The following SYNJ2 variants were observed in gnomAD, a reference collection of about 807,000 sequenced individuals.
SYNJ2 encodes the protein polyphosphatidylinositol phosphatase SYNJ2.
A neutral mutation model predicts 141.3 loss-of-function variants in SYNJ2; 116 were observed. The observed-to-expected ratio is 0.82, with a 90% CI of 0.71 to 0.96. The LOEUF (loss-of-function observed/expected upper bound fraction) is 0.96, where lower values mean the gene tolerates loss of function less well. Ranked by LOEUF, SYNJ2 falls within the 40% of genes least tolerant of loss-of-function variation. The pLI is 0.00. For missense variants in SYNJ2, 1,873 were observed against 1,934.8 expected (o/e 0.97, Z 0.60); for synonymous variants, 745 against 777.7 (o/e 0.96, Z 0.70).
chr6:157,983,080 G>C lies in SYNJ2; in HGVS notation c.127+992G>C, dbSNP rs141752843. On this transcript the variant is annotated intron_variant, in intron 1 of 26. Transcript: ENST00000355585. ...TTCCTAGCTAAACAAGGTGCAGCCC[G>C]GGGTCACTCGTACTTGAGGTGGTCG... Among the ~76,000 whole-genome samples the C allele has an allele frequency of 2.2e-3, 330 of 152,340 alleles. 1 individual carries two copies. Among genetic ancestry groups the C allele is most frequent in the Non-Finnish European group, 3.5e-3 (237 of 68,022 alleles).
intron 1 of SYNJ2, among the ~76,000 whole-genome samples, chr6:157,986,435 G>A (rs1333359904): frequency 6.6e-6 from 1 of 152,220 alleles, no homozygotes; most frequent in Admixed American, 6.5e-5. Flanking sequence ...CCAGGTTCAA[G>A]GGATTCTCCT....
intron 4 of SYNJ2, among the ~76,000 whole-genome samples, chr6:158,034,574 C>T (rs911844507): frequency 1.3e-5 from 2 of 152,232 alleles, no homozygotes; most frequent in African/African-American, 4.8e-5. Context: ...GAGGAGGCTG[C>T]TCTCAGAGTC....
intron 1 of SYNJ2, among the ~76,000 whole-genome samples, chr6:158,010,103 AGG>A (rs1289822061): frequency 6.6e-6 from 1 of 152,068 alleles, no homozygotes; most frequent in Admixed American, 6.5e-5. Flanking sequence ...GAATTTTTGT[AGG>A]GATGGAGTCT....
intron 5 of SYNJ2, among the ~76,000 whole-genome samples, chr6:158,047,508 G>A (rs577212263): frequency 6.6e-6 from 1 of 152,106 alleles, no homozygotes; most frequent in Non-Finnish European, 1.5e-5. Context: ...TGGGCATGGG[G>A]GCTCATGCCT....
chr6:158,094,918 C>T (rs909011383), intron 26 of SYNJ2, among the ~76,000 whole-genome samples: 9 of 152,144 alleles, frequency 5.9e-5, no homozygotes, highest in South Asian at 2.1e-4. Flanking sequence ...GAGGCTGAGG[C>T]GGGTGGATCA....
chr6:157,982,204 G>A lies in SYNJ2; in HGVS notation c.127+116G>A. On this transcript the variant is annotated intron_variant, in intron 1 of 26. Coordinates refer to ENST00000355585, the MANE Select transcript of SYNJ2 (RefSeq NM_003898.4). The surrounding 1 kb of genome is among the most constrained non-coding windows in gnomAD (Gnocchi z 4.0). ...GGATCGGGCGGCGCTGGGACTGCCG[G>A]GGCGTAGGGGTCGCGCGCAGAGGGG... is the stretch of plus-strand genomic sequence containing the variant. 9.9e-6 allele frequency: 12 copies of A among 1,211,134 alleles called. No homozygotes were observed. The South Asian group carries it at 4.0e-4, about 40-fold the overall frequency. 75.0% of individuals were successfully genotyped at this position (1,211,134 alleles called of 1,614,324 possible).
Position 158,033,366 on chromosome 6 carries a change from C to A in SYNJ2, c.486-89C>A, listed in dbSNP as rs564259716. The A allele has an allele frequency of 4.9e-6, 7 of 1,436,796 alleles. No individual in the cohort carries two copies. The African/African-American group carries it at 8.4e-5, about 17-fold the overall frequency. The allele number at this position is 1,436,796 out of a possible 1,614,324, so 89.0% of individuals were successfully genotyped here. On this transcript the variant is annotated intron_variant, in intron 3 of 26. Transcript: ENST00000355585. ...GACCCGAAATGCTGCACCGTGCGCC[C>A]CCCAGTTCCTCAGCCACACTCGCTG...
chr6:158,066,751 T>C, intron 12 of SYNJ2, 116 bp downstream of exon 12: 1 of 1,209,260 alleles, frequency 8.3e-7, no homozygotes. Flanking sequence ...TCTTCCCTCC[T>C]CACAATGTCT....
chr6:158,071,849 G>A lies in SYNJ2; in HGVS notation c.2133+55G>A. On this transcript the variant is annotated intron_variant, in intron 15 of 26. Coordinates refer to ENST00000355585, the MANE Select transcript of SYNJ2 (RefSeq NM_003898.4). The surrounding 1 kb of genome is among the most constrained non-coding windows in gnomAD (Gnocchi z 4.3). ...CTCCCTGCTCAGCTCAGTCCCAAAT[G>A]TGACTGTTGATAGGAGCCAGGCACT... 1 of 1,574,360 alleles carries A rather than the reference G, an allele frequency of 6.4e-7. No individual in the cohort carries two copies. Among genetic ancestry groups the A allele is most frequent in the Non-Finnish European group, 8.6e-7 (1 of 1,161,606 alleles).
intron 25 of SYNJ2, among the ~76,000 whole-genome samples, chr6:158,090,546 T>TG (rs1405317633): frequency 8.2e-5 from 12 of 145,620 alleles, no homozygotes; most frequent in Admixed American, 7.6e-4. Context: ...TTTTTTGTTT[T>TG]TTTTTTTTTT....
At chr6:158,053,571 C>G (rs1780685707) in intron 5 of SYNJ2, among the ~76,000 whole-genome samples, 1 of 151,950 alleles carries the variant, frequency 6.6e-6, no homozygotes, top group South Asian at 2.1e-4. Flanking sequence ...ATCCATTCAT[C>G]CACTCATTCA....
At chr6:158,061,776 A>G (rs1364426710) in intron 7 of SYNJ2, among the ~76,000 whole-genome samples, 3 of 152,144 alleles carry the variant, frequency 2.0e-5, no homozygotes, top group African/African-American at 7.2e-5. Flanking sequence ...GCCCTTTCGC[A>G]GGCAAGACGC....
intron 22 of SYNJ2, among the ~76,000 whole-genome samples, chr6:158,085,862 G>C (rs1324893960): frequency 6.6e-6 from 1 of 152,090 alleles, no homozygotes; most frequent in African/African-American, 2.4e-5. Context: ...GGTTCTGCAC[G>C]TTGCTCCTGC....
At position 158,033,478 on chromosome 6, in the gene SYNJ2, T is replaced by C. The variant is rs749120741; in HGVS notation, c.509T>C (p.Leu170Ser). 1.2e-5 allele frequency: 19 copies of C among 1,614,182 alleles called. No homozygotes were observed. The highest frequency in any genetic ancestry group is 1.5e-5 in the Non-Finnish European group (18 of 1,180,004). The change falls in exon 4 of 27, where the codon TTG becomes TCG. Residue 170 changes from leucine to serine, a missense_variant. Transcript: ENST00000355585. ...AGGAACCAGCTGTTGCACGTGCCCT[T>C]GAGGCAGCACCAGGTGAGCTGCTGT... is the stretch of plus-strand genomic sequence containing the variant. ...FFWNQLLHVP[L>S]RQHQVSCCDW... is the part of the protein sequence containing the mutation.
intron 6 of SYNJ2, among the ~76,000 whole-genome samples, chr6:158,055,662 TACTC>T (rs1337745605): frequency 3.3e-5 from 5 of 152,222 alleles, no homozygotes; most frequent in Non-Finnish European, 7.3e-5. Flanking sequence ...TTAATCTAAA[TACTC>T]AATATTTTAA....
At chr6:158,067,383 T>C in intron 12 of SYNJ2, 1 of 966,540 alleles carries the variant, frequency 1.0e-6, no homozygotes, top group Non-Finnish European at 1.2e-6. Flanking sequence ...CCAACTCTAT[T>C]AATCTGCTTT....
At chr6:157,996,544 C>A (rs1777639562) in intron 1 of SYNJ2, among the ~76,000 whole-genome samples, 1 of 152,172 alleles carries the variant, frequency 6.6e-6, no homozygotes, top group African/African-American at 2.4e-5. Flanking sequence ...ATCTTCACAC[C>A]CACCTGCATG....
In SYNJ2 at chr6:158,076,641, C is replaced by G. The variant is rs1244890085; in HGVS notation, c.2308C>G (p.His770Asp). The change falls in exon 17 of 27, where the codon CAC becomes GAC. Residue 770 changes from histidine (H) to aspartate (D), a missense_variant. His to Asp is a moderately conservative substitution (Grantham distance 81). Transcript: ENST00000355585. ...KSSGKIFKDFHEGAINFGPTY... is the reference protein window; with the variant it reads ...KSSGKIFKDFDEGAINFGPTY... ...CTCCCAATAGATTTTTAAGGACTTT[C>G]ACGAAGGAGCCATTAACTTTGGACC... 6.2e-7 allele frequency: 1 copy of G among 1,613,246 alleles called. No homozygotes were observed. Among genetic ancestry groups the G allele is most frequent in the Admixed American group, 1.7e-5 (1 of 59,798 alleles).
At chr6:158,075,659 G>A (rs1782238771) in intron 16 of SYNJ2, among the ~76,000 whole-genome samples, 1 of 151,920 alleles carries the variant, frequency 6.6e-6, no homozygotes, top group African/African-American at 2.4e-5. Context: ...AAAAGTGTGA[G>A]GACAGGGCAG....
Sources: allele counts gnomAD v4.1 joint callset (sites outside exome capture counted in the v4.1 genomes callset), GRCh38; gene constraint gnomAD v4.1.1; non-coding constraint Gnocchi (gnomAD v3.1); transcripts MANE v1.5; gene names NCBI Gene and HGNC (gene_info 2026-07-23, HGNC 2026-07-21).